Variants in NRXN3 observed in about 807,000 individuals in gnomAD.
NRXN3 encodes neurexin III.
Under a neutral mutation model 137.6 loss-of-function variants are expected in NRXN3, and 32 were observed. The ratio of observed to expected loss-of-function variants is 0.23; its 90% CI spans 0.18 to 0.31. The LOEUF is 0.31. NRXN3 is among the 10% of genes least tolerant of loss of function. NRXN3 has a pLI of 1.00. For missense variants in NRXN3, 1,574 were observed against 2,062.5 expected, an observed-to-expected ratio of 0.76 and a Z score of 4.59; for synonymous variants, 798 against 784.5, an observed-to-expected ratio of 1.02 and a Z score of -0.29.
At chr14:79,609,673 C>G (rs1331127920) in intron 16 of NRXN3, among the ~76,000 whole-genome samples, 2 of 152,154 alleles carry the variant, frequency 1.3e-5, no homozygotes, top group Non-Finnish European at 2.9e-5. Flanking sequence ...TTTCCTTTCA[C>G]TTGTGGATTT....
intron 16 of NRXN3, among the ~76,000 whole-genome samples, chr14:79,662,793 GAT>G (rs1327592421): frequency 6.6e-6 from 1 of 151,954 alleles, no homozygotes; most frequent in Non-Finnish European, 1.5e-5. Context: ...TAAACAACCA[GAT>G]CTCATAAGAA....
intron 14 of NRXN3, among the ~76,000 whole-genome samples, chr14:78,974,118 T>C (rs867696967): frequency 8.5e-5 from 13 of 152,150 alleles, no homozygotes; most frequent in South Asian, 2.1e-4. Flanking sequence ...AGCTTTACAA[T>C]AGCTTTCAGT....
chr14:79,234,111 A>G (rs1246872192), intron 15 of NRXN3, among the ~76,000 whole-genome samples: 1 of 150,540 alleles, frequency 6.6e-6, no homozygotes, highest in African/African-American at 2.5e-5. Context: ...CAAACAAACA[A>G]AAATGTGCTT....
At chr14:78,641,391 G>C (rs1053375254) in intron 4 of NRXN3, among the ~76,000 whole-genome samples, 1 of 152,084 alleles carries the variant, frequency 6.6e-6, no homozygotes, top group African/African-American at 2.4e-5. Flanking sequence ...TAAAGACTGG[G>C]TTATTGGGAG....
At chr14:78,606,816 T>G (rs540297195) in intron 4 of NRXN3, among the ~76,000 whole-genome samples, 8 of 152,300 alleles carry the variant, frequency 5.3e-5, no homozygotes, top group Admixed American at 3.3e-4. Context: ...AAACATGACC[T>G]TTTCCACAAA....
chr14:78,533,849 T>C (rs1012224078), intron 4 of NRXN3, among the ~76,000 whole-genome samples: 2 of 152,240 alleles, frequency 1.3e-5, no homozygotes, highest in Non-Finnish European at 2.9e-5. Context: ...GCACTCATGG[T>C]ACTGAGTTAC....
chr14:78,282,040 G>A (rs1396460074), intron 3 of NRXN3: 3 of 437,040 alleles, frequency 6.9e-6, no homozygotes, highest in East Asian at 1.4e-4. Context: ...CCAAGACATG[G>A]TGGAGCTTAA....
chr14:78,179,842 G>GTTTCTTTTTTTTTTT (rs2059648054), intron 1 of NRXN3, among the ~76,000 whole-genome samples: 1 of 109,154 alleles, frequency 9.2e-6, no homozygotes, highest in Non-Finnish European at 1.9e-5. Flanking sequence ...CTGTTTTTTT[G>GTTTCTTTTTTTTTTT]TTTTTTTTTT....
In NRXN3 at chr14:78,569,025, T is replaced by G. The variant is rs1294798712; in HGVS notation, c.758-76095T>G. ...TTCTGTCACCCAGGCTGGAGTGCAG[T>G]GGCGCGGTCTTGGCTCACTGCCAGC... On this transcript the variant is annotated intron_variant, in intron 4 of 20. Transcript: ENST00000335750. Among the ~76,000 whole-genome samples, 276 of 141,120 alleles carry G rather than the reference T, an allele frequency of 2.0e-3. 4 individuals are homozygous for G. Among genetic ancestry groups the G allele is most frequent in the Admixed American group, 1.1e-3 (14 of 13,232 alleles). 92.6% of individuals were successfully genotyped at this position (141,120 alleles called of 152,430 possible).
intron 16 of NRXN3, among the ~76,000 whole-genome samples, chr14:79,610,639 A>G (rs2098087341): frequency 6.6e-6 from 1 of 152,112 alleles, no homozygotes; most frequent in African/African-American, 2.4e-5. Context: ...CTTCATCAAT[A>G]TTTGTGTTGG....
intron 4 of NRXN3, among the ~76,000 whole-genome samples, chr14:78,573,840 C>T (rs2096911655): frequency 6.6e-6 from 1 of 152,118 alleles, no homozygotes; most frequent in Admixed American, 6.5e-5. Context: ...TAATGAGGAG[C>T]CAAATGTTAA....
At chr14:78,833,032 G>T (rs947382138) in intron 10 of NRXN3, among the ~76,000 whole-genome samples, 14 of 152,130 alleles carry the variant, frequency 9.2e-5, no homozygotes, top group African/African-American at 3.4e-4. Context: ...GTAACCTAGG[G>T]GTTGGAGATA....
chr14:79,352,476 G>T (rs986222432), intron 15 of NRXN3, among the ~76,000 whole-genome samples: 1 of 152,030 alleles, frequency 6.6e-6, no homozygotes, highest in African/African-American at 2.4e-5. Context: ...AGCAGAATCC[G>T]GATCAATTGA....
chr14:79,266,735 G>T (rs894986143), intron 15 of NRXN3, among the ~76,000 whole-genome samples: 1 of 152,158 alleles, frequency 6.6e-6, no homozygotes, highest in Non-Finnish European at 1.5e-5. Context: ...GAGATTAAGA[G>T]ACCTTTGGTT....
In NRXN3 at chr14:78,853,093, G is replaced by A. The variant is rs199943709; in HGVS notation, c.2275+42749G>A. Among the ~76,000 whole-genome samples the A allele has an allele frequency of 7.8e-4, 118 of 152,100 alleles. 1 individual carries two copies. In the East Asian group the frequency reaches 0.011, roughly 14 times the overall value. On this transcript the variant is annotated intron_variant, in intron 10 of 20. Transcript: ENST00000335750. ...GGTTTTTTTTACTATTATACTTTAA[G>A]TTTTAGGGTACACATGCACAACGTG... is the stretch of plus-strand genomic sequence containing the variant.
intron 10 of NRXN3, among the ~76,000 whole-genome samples, chr14:78,916,139 G>A (rs886221013): frequency 6.6e-6 from 1 of 152,036 alleles, no homozygotes; most frequent in Non-Finnish European, 1.5e-5. Context: ...ATTACTTACT[G>A]TCGAAACTGG....
intron 15 of NRXN3, among the ~76,000 whole-genome samples, chr14:79,066,126 G>A (rs972906506): frequency 6.6e-6 from 1 of 151,940 alleles, no homozygotes; most frequent in Admixed American, 6.6e-5. Flanking sequence ...TATAGTTTGG[G>A]ATTTTACATT....
chr14:78,429,063 C>G (rs1478771828), intron 4 of NRXN3, among the ~76,000 whole-genome samples: 1 of 151,944 alleles, frequency 6.6e-6, no homozygotes, highest in East Asian at 1.9e-4. Context: ...CAACCTCAGA[C>G]CAATAATTAC....
At chr14:79,639,958 A>G (rs1567749123) in intron 16 of NRXN3, among the ~76,000 whole-genome samples, 1 of 136,452 alleles carries the variant, frequency 7.3e-6, no homozygotes, top group African/African-American at 2.5e-5. Flanking sequence ...GTTTCAGTAT[A>G]TGCAGCAAGT....
Sources: gnomAD v4.1 joint callset for allele counts (sites outside exome capture counted in the v4.1 genomes callset) on GRCh38, gnomAD v4.1.1 for gene constraint, MANE v1.5 for transcripts, NCBI Gene and HGNC (gene_info 2026-07-23, HGNC 2026-07-21) for gene names.